The following PABPN1L variants were observed in gnomAD, a reference collection of about 807,000 sequenced individuals.
PABPN1L encodes PABPN1 like, cytoplasmic, also known as embryonic polyadenylate-binding protein 2.
Under a neutral mutation model 34.0 loss-of-function variants are expected in PABPN1L, and 45 were observed. The ratio of observed to expected loss-of-function variants is 1.32; its 90% CI spans 1.04 to 1.70. PABPN1L has a LOEUF of 1.70. Among genes scored for constraint, PABPN1L ranks in the 40% most tolerant of loss-of-function variants. The pLI is 0.00. For missense variants in PABPN1L, 459 were observed against 367.8 expected (o/e 1.25, Z -2.03); for synonymous variants, 182 against 152.1 (o/e 1.20, Z -1.45).
At chr16:88,865,192 T>TA (rs1968560762) in intron 3 of PABPN1L, 64 bp from the exon 4 acceptor site, 4 of 1,504,184 alleles carry the variant, frequency 2.7e-6, no homozygotes, top group Non-Finnish European at 3.6e-6. Flanking sequence ...GCCTTCTTGT[T>TA]AGAGGTGAGG....
At chr16:88,865,336 T>A (rs1968565049) in intron 3 of PABPN1L, among the ~76,000 whole-genome samples, 1 of 151,374 alleles carries the variant, frequency 6.6e-6, no homozygotes, top group African/African-American at 2.4e-5. Flanking sequence ...TGGAGCCTTT[T>A]AAAAAGCTTC....
chr16:88,866,559 G>T, exon 1 of PABPN1L: 2 of 1,553,036 alleles, frequency 1.3e-6, no homozygotes, highest in Non-Finnish European at 1.7e-6. Flanking sequence ...TCTGGAGCCA[G>T]GCCTGAGTCG....
rs758401342 is a variant in PABPN1L at position 88,864,297 on chromosome 16, G to A, written c.737C>T (p.Ala246Val). 3 of 1,554,596 alleles carry A rather than the reference G, an allele frequency of 1.9e-6. No homozygotes were observed. The African/African-American group carries it at 4.1e-5, about 21-fold the overall frequency. ...CTGGAGGCCGCTGTGGGGGAAGGGTGCCCCCCTGGAGCCTGGGTGTCCTCG... is the reference window on the plus strand; with the variant it reads ...CTGGAGGCCGCTGTGGGGGAAGGGTACCCCCCTGGAGCCTGGGTGTCCTCG... The change falls in exon 6 of 7, where the codon GCA becomes GTA. Residue 246 changes from alanine to valine, a missense_variant. Transcript: ENST00000419291.
chr16:88,863,825 G>C lies in PABPN1L; in HGVS notation c.798-30C>G, dbSNP rs990715580. On this transcript the variant is annotated intron_variant, in intron 6 of 6. Transcript: ENST00000419291. ...ACGGAGAGAGAACACACACTGAGTG[G>C]CCTTCCAGAGGAGAAGGGGTGGTGG... 9.1e-6 allele frequency: 14 copies of C among 1,530,938 alleles called. No homozygotes were observed. The African/African-American group carries it at 1.6e-4, about 18-fold the overall frequency. The allele number at this position is 1,530,938 out of a possible 1,614,324, so 94.8% of individuals were successfully genotyped here. A position where few individuals can be genotyped will look rare whatever the true frequency, so the allele number is the denominator to read the frequency against.
rs1259442263 is a variant in PABPN1L at position 88,866,388 on chromosome 16, C to T, written c.219G>A (p.Glu73=). The change falls in exon 1 of 7, where the codon GAG becomes GAA. Residue 73 remains glutamate, a synonymous_variant. Transcript: ENST00000419291. ...ATGGGCACTCAGCCAGGTTCTCTTG[C>T]TCCAGCAGAGACAGCAGAAAGCCTG... The T allele has an allele frequency of 2.6e-6, 4 of 1,550,844 alleles. No homozygotes were observed. The African/African-American group carries it at 4.1e-5, about 16-fold the overall frequency.
At chr16:88,864,887 A>G in exon 5 of PABPN1L, 1 of 1,548,548 alleles carries the variant, frequency 6.5e-7, no homozygotes, top group Non-Finnish European at 8.8e-7. Context: ...GCTCTGGTCC[A>G]GCTCCACGGC....
chr16:88,865,775 G>T (rs767359517), intron 2 of PABPN1L, 31 bp downstream of exon 2: 42 of 1,586,102 alleles, frequency 2.6e-5, no homozygotes, highest in Non-Finnish European at 3.4e-5. Flanking sequence ...CCCTTGCTCA[G>T]TGGGGGGCGG....
exon 7 of PABPN1L, chr16:88,863,475 CCCCT>C (rs1370636388): frequency 1.8e-6 from 1 of 561,908 alleles, no homozygotes; most frequent in Non-Finnish European, 3.2e-6. Flanking sequence ...CTCTGCTCCT[CCCCT>C]CCCTCAACAC....
upstream of PABPN1L, among the ~76,000 whole-genome samples, chr16:88,870,067 A>T (rs1968668596): frequency 6.7e-6 from 1 of 150,166 alleles, no homozygotes; most frequent in South Asian, 2.1e-4. Context: ...GTCCACCCTC[A>T]GGTCCCCTGT....
At chr16:88,864,662 C>T (rs1460081967) in intron 5 of PABPN1L, among the ~76,000 whole-genome samples, 191 bp downstream of exon 5, 1 of 150,776 alleles carries the variant, frequency 6.6e-6, no homozygotes, top group Non-Finnish European at 1.5e-5. Flanking sequence ...GACACTTCCC[C>T]ACCATGCCAC....
At chr16:88,866,704 CCT>C (rs1235985700), upstream of PABPN1L, 4 of 1,419,946 alleles carry the variant, frequency 2.8e-6, no homozygotes, top group Admixed American at 2.8e-5. Flanking sequence ...TAAGCCCTCC[CCT>C]GAGGCCAGCT....
upstream of PABPN1L, among the ~76,000 whole-genome samples, chr16:88,870,097 C>CTT (rs1220991147): frequency 1.4e-5 from 2 of 145,096 alleles, no homozygotes; most frequent in Non-Finnish European, 3.0e-5. Flanking sequence ...GTTTTCATTT[C>CTT]TTTTTTTTTT....
At chr16:88,865,345 T>G (rs188584149) in intron 3 of PABPN1L, among the ~76,000 whole-genome samples, 25 of 151,412 alleles carry the variant, frequency 1.7e-4, no homozygotes, top group East Asian at 7.8e-4. Context: ...TTAAAAAGCT[T>G]CTCAAAAGTG....
At chr16:88,867,570 A>C (rs1567565510), upstream of PABPN1L, among the ~76,000 whole-genome samples, 2 of 151,844 alleles carry the variant, frequency 1.3e-5, no homozygotes, top group Non-Finnish European at 2.9e-5. Context: ...ATGAGGCCAG[A>C]ATTATTCTGC....
chr16:88,864,914 TTGGTG>T lies in PABPN1L; in HGVS notation c.588_592del (p.Thr197GlyfsTer136), dbSNP rs774532552. The T allele has an allele frequency of 2.9e-5, 43 of 1,494,242 alleles. No homozygotes were observed. In the Middle Eastern group the frequency reaches 5.6e-4, roughly 20 times the overall value. 92.6% of individuals were successfully genotyped at this position (1,494,242 alleles called of 1,614,324 possible). A position where few individuals can be genotyped will look rare whatever the true frequency, so the allele number is the denominator to read the frequency against. ...CTCCACGGCGGCCTGCACGGAGCCC[TTGGTG>T]GCAAACTCTATGTAGGCATAACTGA... On this transcript the variant is annotated frameshift_variant, in exon 5 of 7. Coordinates refer to ENST00000419291, the Ensembl canonical transcript of PABPN1L. LOFTEE classifies it high-confidence loss of function.
At chr16:88,863,480 CCCT>C in exon 7 of PABPN1L, 1 of 565,154 alleles carries the variant, frequency 1.8e-6, no homozygotes, top group Non-Finnish European at 3.2e-6. Context: ...CTCCTCCCCT[CCCT>C]CAACACCCAG....
chr16:88,868,420 T>G (rs1968641049), upstream of PABPN1L, among the ~76,000 whole-genome samples: 1 of 152,162 alleles, frequency 6.6e-6, no homozygotes, highest in African/African-American at 2.4e-5. Flanking sequence ...CTGGCCAACA[T>G]GGTGAAACCC....
At chr16:88,866,720 C>T, upstream of PABPN1L, 8 of 1,372,134 alleles carry the variant, frequency 5.8e-6, no homozygotes, top group Non-Finnish European at 7.7e-6. Context: ...GCCAGCTGCT[C>T]CCACTAGAGC....
chr16:88,865,695 G>A, intron 2 of PABPN1L, 65 bp from the exon 3 acceptor site: 1 of 1,557,236 alleles, frequency 6.4e-7, no homozygotes, highest in South Asian at 1.2e-5. Context: ...CACGGGGAAG[G>A]TCGCCCAGGC....
Sources: allele counts gnomAD v4.1 joint callset (sites outside exome capture counted in the v4.1 genomes callset), GRCh38; gene constraint gnomAD v4.1.1; transcripts MANE v1.5; gene names NCBI Gene and HGNC (gene_info 2026-07-23, HGNC 2026-07-21).